Variants in ZNF536 observed in about 807,000 individuals in gnomAD.
The protein encoded by ZNF536 is zinc finger protein 536.
A neutral mutation model predicts 84.5 loss-of-function variants in ZNF536; 13 were observed. That is an observed-to-expected ratio of 0.15 (90% CI 0.10 to 0.24). ZNF536 has a LOEUF of 0.24. Among genes scored for constraint, ZNF536 ranks in the 10% least tolerant of loss-of-function variants. ZNF536 has a pLI of 1.00. For missense variants in ZNF536, 1,536 were observed against 1,747.5 expected (o/e 0.88, Z 2.16); for synonymous variants, 811 against 742.5 (o/e 1.09, Z -1.50).
At chr19:30,694,909 C>T (rs11881971) in intron 1 of ZNF536, among the ~76,000 whole-genome samples, 1 of 152,146 alleles carries the variant, frequency 6.6e-6, no homozygotes, top group Admixed American at 6.5e-5. Flanking sequence ...GAGGGCAGGG[C>T]GTGGTTCTTG....
chr19:30,464,352 A>G (rs2053290137), intron 2 of ZNF536, among the ~76,000 whole-genome samples: 1 of 152,210 alleles, frequency 6.6e-6, no homozygotes, highest in African/African-American at 2.4e-5. Flanking sequence ...CCTGGGGACC[A>G]GACGGCGCTG....
At chr19:30,669,555 G>GCCC (rs1376657207) in intron 1 of ZNF536, among the ~76,000 whole-genome samples, 1 of 152,202 alleles carries the variant, frequency 6.6e-6, no homozygotes, top group Non-Finnish European at 1.5e-5. Flanking sequence ...CCTGTCCTCA[G>GCCC]CCCCGGAGAA....
chr19:30,635,853 C>T (rs570929740), intron 1 of ZNF536, among the ~76,000 whole-genome samples: 1 of 152,214 alleles, frequency 6.6e-6, no homozygotes, highest in Non-Finnish European at 1.5e-5. Context: ...CTGCGGAGAG[C>T]GCTTACCTCC....
At chr19:30,383,754 TTTCTCTTTCTTTCTTTCTTTTCTTTC>T (rs1568376891) in intron 1 of ZNF536, among the ~76,000 whole-genome samples, 25 of 10,658 alleles carry the variant, frequency 2.3e-3, no homozygotes, top group African/African-American at 4.3e-3. Context: ...TCTTTCTTTC[TTTCTCTTTCTTTCTTTCTTTTCTTTC>T]TTTCTTTCTT....
chr19:30,413,504 G>A (rs1405358862), intron 1 of ZNF536, among the ~76,000 whole-genome samples: 1 of 152,154 alleles, frequency 6.6e-6, no homozygotes, highest in Non-Finnish European at 1.5e-5. Context: ...ATTTTTGAAT[G>A]CTGTAATACA....
chr19:30,313,215 C>T (rs565040799), intron 2 of ZNF536, among the ~76,000 whole-genome samples: 12 of 152,326 alleles, frequency 7.9e-5, no homozygotes, highest in East Asian at 1.9e-4. Flanking sequence ...GCCCAGATAG[C>T]GGGGTGGAGG....
chr19:30,585,224 T>C (rs927839027), intron 1 of ZNF536, among the ~76,000 whole-genome samples: 4 of 152,220 alleles, frequency 2.6e-5, no homozygotes, highest in Non-Finnish European at 5.9e-5. Flanking sequence ...TCAGCAATCT[T>C]GACGTTGGTA....
upstream of ZNF536, among the ~76,000 whole-genome samples, chr19:30,227,191 C>A (rs1457288090): frequency 6.6e-6 from 1 of 152,048 alleles, no homozygotes; most frequent in African/African-American, 2.4e-5. Flanking sequence ...CAGAGAGAGA[C>A]CTGTGTTGCT....
At chr19:30,559,800 T>C (rs141500494), downstream of ZNF536, among the ~76,000 whole-genome samples, 1 of 152,188 alleles carries the variant, frequency 6.6e-6, no homozygotes, top group African/African-American at 2.4e-5. Context: ...AGGCGTCTGC[T>C]GTTCTCTCTT....
chr19:30,341,283 G>A (rs1217025843), intron 2 of ZNF536, among the ~76,000 whole-genome samples: 1 of 152,214 alleles, frequency 6.6e-6, no homozygotes, highest in African/African-American at 2.4e-5. Flanking sequence ...AAAATAGTTT[G>A]TTGAGATTGC....
chr19:30,596,962 G>A (rs988436913), intron 1 of ZNF536, among the ~76,000 whole-genome samples: 4 of 152,072 alleles, frequency 2.6e-5, no homozygotes, highest in Non-Finnish European at 5.9e-5. Flanking sequence ...CGCTTTCTGG[G>A]GCTGTTTTCT....
At chr19:30,468,393 C>G (rs113047367) in intron 2 of ZNF536, among the ~76,000 whole-genome samples, 1 of 152,198 alleles carries the variant, frequency 6.6e-6, no homozygotes, top group South Asian at 2.1e-4. Flanking sequence ...TTCGGTGGGC[C>G]TGGTGGGCTG....
chr19:30,689,747 C>T (rs1339750978), intron 1 of ZNF536, among the ~76,000 whole-genome samples: 1 of 152,134 alleles, frequency 6.6e-6, no homozygotes, highest in African/African-American at 2.4e-5. Context: ...AGGGCAAAAG[C>T]TCCTAGTGAA....
At chr19:30,622,542 T>A (rs544310683) in intron 1 of ZNF536, among the ~76,000 whole-genome samples, 1 of 152,198 alleles carries the variant, frequency 6.6e-6, no homozygotes, top group African/African-American at 2.4e-5. Context: ...ATAGACAGCG[T>A]CACTTTCACA....
intron 1 of ZNF536, among the ~76,000 whole-genome samples, chr19:30,701,834 C>T (rs1486019446): frequency 2.0e-5 from 3 of 152,218 alleles, no homozygotes; most frequent in Non-Finnish European, 2.9e-5. Flanking sequence ...GGTGGGAAGA[C>T]ATCCCTCTGC....
chr19:30,562,783 G>A (rs762361449), downstream of ZNF536, among the ~76,000 whole-genome samples: 6 of 151,580 alleles, frequency 4.0e-5, no homozygotes, highest in Non-Finnish European at 7.4e-5. Flanking sequence ...CACGGGGCAC[G>A]GAAGCAGTTC....
At chr19:30,625,422 A>C (rs1024808570) in intron 1 of ZNF536, among the ~76,000 whole-genome samples, 3 of 152,238 alleles carry the variant, frequency 2.0e-5, no homozygotes, top group East Asian at 3.8e-4. Context: ...GAGAAATGAT[A>C]ATTATTAATA....
At chr19:30,434,163 G>A (rs2051604587) in intron 1 of ZNF536, among the ~76,000 whole-genome samples, 1 of 152,190 alleles carries the variant, frequency 6.6e-6, no homozygotes, top group African/African-American at 2.4e-5. Flanking sequence ...GTCTAGTTGG[G>A]GGAATAAGCC....
At chr19:30,481,404 AT>A (rs1377523919) in intron 2 of ZNF536, among the ~76,000 whole-genome samples, 2 of 152,200 alleles carry the variant, frequency 1.3e-5, no homozygotes, top group African/African-American at 2.4e-5. Flanking sequence ...CACAGTCGGC[AT>A]TATGACACGT....
Sources: gnomAD v4.1 joint callset for allele counts (sites outside exome capture counted in the v4.1 genomes callset) on GRCh38, gnomAD v4.1.1 for gene constraint, MANE v1.5 for transcripts, NCBI Gene and HGNC (gene_info 2026-07-23, HGNC 2026-07-21) for gene names.